ADORA2B: variants seen among roughly 807,000 people sequenced by gnomAD.
The protein encoded by ADORA2B is adenosine receptor A2b.
Under a neutral mutation model 20.8 loss-of-function variants are expected in ADORA2B, and 18 were observed. The observed-to-expected ratio is 0.87, with a 90% CI of 0.60 to 1.29. The LOEUF (loss-of-function observed/expected upper bound fraction) is 1.29, where lower values mean the gene tolerates loss of function less well. ADORA2B is among the 50% of genes most tolerant of loss of function. ADORA2B has a pLI of 0.00. For synonymous variants in ADORA2B, 179 were observed against 178.3 expected (o/e 1.00, Z -0.03); for missense variants, 441 against 422.7 (o/e 1.04, Z -0.38).
the ADORA2B span, among the ~76,000 whole-genome samples, chr17:15,911,867 C>T: frequency 2.6e-5 from 4 of 152,120 alleles, no homozygotes; most frequent in Non-Finnish European, 4.4e-5. Context: ...AGTTCAAGAT[C>T]AGCCTGGGCA....
At chr17:15,905,284 TG>T in the ADORA2B span, among the ~76,000 whole-genome samples, 23 of 146,830 alleles carry the variant, frequency 1.6e-4, no homozygotes, top group Middle Eastern at 3.4e-3. Flanking sequence ...TTGTTGTTGT[TG>T]GGGGGGGGTT....
At chr17:15,924,539 C>T in the ADORA2B span, among the ~76,000 whole-genome samples, 3 of 151,972 alleles carry the variant, frequency 2.0e-5, no homozygotes, top group Non-Finnish European at 4.4e-5. Flanking sequence ...AGACCATCCT[C>T]GCTAACATGG....
chr17:15,901,628 G>A, the ADORA2B span, among the ~76,000 whole-genome samples: 1 of 152,138 alleles, frequency 6.6e-6, no homozygotes, highest in Non-Finnish European at 1.5e-5. Flanking sequence ...TGTACAGGGG[G>A]AAACTGAGGC....
chr17:15,943,235 C>T (rs1269167416), upstream of ADORA2B, among the ~76,000 whole-genome samples: 1 of 152,212 alleles, frequency 6.6e-6, no homozygotes, highest in Non-Finnish European at 1.5e-5. Context: ...AGGAGGTCTA[C>T]TGTGTGTGTT....
At chr17:15,859,023 T>C in the ADORA2B span, among the ~76,000 whole-genome samples, 4 of 152,176 alleles carry the variant, frequency 2.6e-5, no homozygotes, top group East Asian at 7.7e-4. Context: ...AGGGTCTTGC[T>C]TTGTTGCCCA....
At chr17:15,877,836 G>A in the ADORA2B span, among the ~76,000 whole-genome samples, 281 of 152,080 alleles carry the variant, frequency 1.8e-3, 2 homozygotes, top group African/African-American at 6.5e-3. Flanking sequence ...TGAGCCTTTG[G>A]GGGATTTTGT....
chr17:15,919,622 C>T, the ADORA2B span, among the ~76,000 whole-genome samples: 6 of 152,158 alleles, frequency 3.9e-5, no homozygotes, highest in African/African-American at 1.4e-4. Context: ...ACCACCTCCT[C>T]AGCAGGAAAT....
At chr17:15,856,253 C>G in the ADORA2B span, among the ~76,000 whole-genome samples, 1 of 151,672 alleles carries the variant, frequency 6.6e-6, no homozygotes, top group African/African-American at 2.4e-5. Context: ...CTGTCTTTCT[C>G]TGTCCCCGCC....
the ADORA2B span, among the ~76,000 whole-genome samples, chr17:15,936,044 T>C: frequency 2.0e-5 from 3 of 151,870 alleles, no homozygotes; most frequent in Admixed American, 6.6e-5. Flanking sequence ...TTGTTTTGTT[T>C]TGTTTTGTTT....
chr17:15,897,655 C>T, the ADORA2B span, among the ~76,000 whole-genome samples: 1 of 152,078 alleles, frequency 6.6e-6, no homozygotes, highest in African/African-American at 2.4e-5. Flanking sequence ...CTACAATAGA[C>T]AAGTCACAGA....
chr17:15,913,557 C>T, the ADORA2B span, among the ~76,000 whole-genome samples: 922 of 152,324 alleles, frequency 6.1e-3, 5 homozygotes, highest in Middle Eastern at 0.027. Flanking sequence ...CCTTCTTTCT[C>T]TGCTACTATC....
In ADORA2B at chr17:15,975,264, G is replaced by C; in HGVS notation, c.921G>C (p.Arg307Ser). ...FRYTFHKIIS[R>S]YLLCQADVKS... ...ACACTTTTCACAAAATTATCTCCAG[G>C]TATCTTCTCTGCCAAGCAGATGTCA... is the stretch of plus-strand genomic sequence containing the variant. The change falls in exon 2 of 2, where the codon AGG becomes AGC. Residue 307 changes from arginine to serine, a missense_variant. By Grantham distance (110) the Arg-to-Ser change is moderately radical. Coordinates refer to ENST00000304222, the MANE Select transcript of ADORA2B (RefSeq NM_000676.4). 8 of 1,613,586 alleles carry C rather than the reference G, an allele frequency of 5.0e-6. No individual in the cohort carries two copies. Among genetic ancestry groups the C allele is most frequent in the Non-Finnish European group, 6.8e-6 (8 of 1,180,020 alleles).
chr17:15,935,769 C>T, the ADORA2B span, among the ~76,000 whole-genome samples: 1 of 151,648 alleles, frequency 6.6e-6, no homozygotes, highest in Non-Finnish European at 1.5e-5. Flanking sequence ...ATTGGATTAT[C>T]TCAATTGACC....
chr17:15,881,049 AG>A, the ADORA2B span, among the ~76,000 whole-genome samples: 1 of 129,244 alleles, frequency 7.7e-6, no homozygotes, highest in African/African-American at 4.5e-5. Flanking sequence ...TTTGATGAAG[AG>A]GGGCGTGGTC....
the ADORA2B span, among the ~76,000 whole-genome samples, chr17:15,926,420 CCT>C: frequency 6.6e-6 from 1 of 151,854 alleles, no homozygotes; most frequent in Non-Finnish European, 1.5e-5. Flanking sequence ...AGAGGAAGTC[CCT>C]GAGTGGGTGA....
At chr17:15,854,539 G>A in the ADORA2B span, among the ~76,000 whole-genome samples, 2 of 152,146 alleles carry the variant, frequency 1.3e-5, no homozygotes, top group African/African-American at 2.4e-5. Flanking sequence ...AATATTGGAC[G>A]CTTTCCCACA....
chr17:15,921,322 T>C, the ADORA2B span, among the ~76,000 whole-genome samples: 1 of 152,356 alleles, frequency 6.6e-6, no homozygotes, highest in African/African-American at 2.4e-5. Context: ...GCAGCAGCAG[T>C]GATGCTATGA....
rs73978568 is a variant in ADORA2B at position 15,968,343 on chromosome 17, T to C, written c.336-6336T>C. ...GCGGAACCTCAGTATGTGAGGACTT[T>C]GGCATACATGGGGATCCTGCAACCA... On this transcript the variant is annotated intron_variant, in intron 1 of 1. Coordinates refer to ENST00000304222, the MANE Select transcript of ADORA2B (RefSeq NM_000676.4). Among the ~76,000 whole-genome samples, 1,070 of 152,314 alleles carry C rather than the reference T, an allele frequency of 7.0e-3. 11 individuals carry two copies. Among genetic ancestry groups the C allele is most frequent in the African/African-American group, 0.025 (1,030 of 41,568 alleles).
Position 15,974,732 on chromosome 17 carries a change from G to C in ADORA2B, c.389G>C (p.Trp130Ser). 6.2e-7 allele frequency: 1 copy of C among 1,614,146 alleles called. No individual in the cohort carries two copies. Among genetic ancestry groups the C allele is most frequent in the Non-Finnish European group, 8.5e-7 (1 of 1,180,024 alleles). ...GCAAGAGGGGTCATTGCTGTCCTCT[G>C]GGTCCTTGCCTTTGGCATCGGATTG... ...TRARGVIAVL[W>S]VLAFGIGLTP... The change falls in exon 2 of 2, where the codon TGG (tryptophan) becomes TCG (serine). Residue 130 changes from tryptophan (W) to serine (S), a missense_variant. By Grantham distance (177) the Trp-to-Ser change is radical. Transcript: ENST00000304222.
Sources: gnomAD v4.1 joint callset for allele counts (sites outside exome capture counted in the v4.1 genomes callset) on GRCh38, gnomAD v4.1.1 for gene constraint, MANE v1.5 for transcripts, NCBI Gene and HGNC (gene_info 2026-07-23, HGNC 2026-07-21) for gene names.